Variants in GPHN observed in about 807,000 individuals in gnomAD.
The protein encoded by GPHN is gephyrin.
A neutral mutation model predicts 95.5 loss-of-function variants in GPHN; 17 were observed. The observed-to-expected ratio is 0.18, with a 90% CI of 0.12 to 0.27. The LOEUF (loss-of-function observed/expected upper bound fraction) is 0.27. Among genes scored for constraint, GPHN ranks in the 10% least tolerant of loss-of-function variants. The pLI, the probability that GPHN is intolerant of heterozygous loss-of-function variation, is 1.00. For synonymous variants in GPHN, 320 were observed against 322.5 expected (o/e 0.99, Z 0.08); for missense variants, 660 against 978.1 (o/e 0.67, Z 4.34).
chr14:66,911,952 A>T (rs1010112009), intron 5 of GPHN, among the ~76,000 whole-genome samples: 2 of 152,024 alleles, frequency 1.3e-5, no homozygotes, highest in African/African-American at 4.8e-5. Flanking sequence ...ATTTTTCGAC[A>T]TTCTCTTAAC....
At chr14:66,985,289 T>A (rs2070942454) in intron 9 of GPHN, among the ~76,000 whole-genome samples, 1 of 152,170 alleles carries the variant, frequency 6.6e-6, no homozygotes, top group African/African-American at 2.4e-5. Context: ...AGTCATACCA[T>A]TTATGTTTTC....
At chr14:67,098,456 C>T (rs758170931) in intron 12 of GPHN, among the ~76,000 whole-genome samples, 19 of 152,022 alleles carry the variant, frequency 1.2e-4, no homozygotes, top group Non-Finnish European at 1.9e-4. Flanking sequence ...AACCAGGATT[C>T]AGATTCAGGT....
rs536444561 is a variant in GPHN at position 66,631,090 on chromosome 14, G to A, written c.65-50017G>A. Among the ~76,000 whole-genome samples the A allele has an allele frequency of 3.0e-3, 460 of 151,106 alleles. 2 individuals are homozygous for A. Among genetic ancestry groups the A allele is most frequent in the South Asian group, 0.014 (67 of 4,730 alleles). ...TTTTGAGACGGAGTCTTGCTCTGTC[G>A]CCCAGGCTGGAGTGCAGTGGTGCTG... On this transcript the variant is annotated intron_variant, in intron 1 of 22. Coordinates refer to ENST00000478722, the MANE Select transcript of GPHN (RefSeq NM_020806.5).
Position 66,924,613 on chromosome 14 carries a change from C to T in GPHN, c.828+321C>T, listed in dbSNP as rs141486043. 6.0e-3 allele frequency among the ~76,000 whole-genome samples: 909 copies of T among 152,174 alleles called. 1 individual carries two copies. Among genetic ancestry groups the T allele is most frequent in the Middle Eastern group, 0.024 (7 of 294 alleles). ...TCATCAGATATCTTTAAATAAATTG[C>T]CTGGCTTAAAATTACCTCTTAAGAG... On this transcript the variant is annotated intron_variant, in intron 8 of 22. Coordinates refer to ENST00000478722, the MANE Select transcript of GPHN (RefSeq NM_020806.5).
chr14:67,728,703 T>TTGG, the GPHN span, among the ~76,000 whole-genome samples: 6 of 142,244 alleles, frequency 4.2e-5, no homozygotes, highest in African/African-American at 1.6e-4. Flanking sequence ...GGATATCTTG[T>TTGG]GGGGGGGGGG....
At chr14:67,456,559 G>A in the GPHN span, among the ~76,000 whole-genome samples, 7 of 149,084 alleles carry the variant, frequency 4.7e-5, no homozygotes, top group East Asian at 5.9e-4. Flanking sequence ...CTGAGATCAC[G>A]CCATTGCACT....
intron 2 of GPHN, among the ~76,000 whole-genome samples, chr14:66,762,191 C>T (rs1455139351): frequency 2.0e-5 from 3 of 150,326 alleles, no homozygotes; most frequent in African/African-American, 7.3e-5. Context: ...AAAAATATGA[C>T]CACTAAATAA....
chr14:67,229,594 A>G, the GPHN span, among the ~76,000 whole-genome samples: 2 of 152,326 alleles, frequency 1.3e-5, no homozygotes, highest in East Asian at 3.8e-4. Context: ...TTGAAAATCT[A>G]GTGTCCAAAT....
chr14:66,778,074 C>G (rs1411517171), intron 3 of GPHN, among the ~76,000 whole-genome samples: 1 of 152,066 alleles, frequency 6.6e-6, no homozygotes, highest in Non-Finnish European at 1.5e-5. Context: ...TCTAGAAAAC[C>G]CCATCGTCTC....
At chr14:67,516,339 C>G in the GPHN span, among the ~76,000 whole-genome samples, 1 of 152,172 alleles carries the variant, frequency 6.6e-6, no homozygotes, top group East Asian at 1.9e-4. Context: ...CTCGCAAACC[C>G]TATGCATGCC....
chr14:67,654,869 A>G, the GPHN span, among the ~76,000 whole-genome samples: 1 of 151,872 alleles, frequency 6.6e-6, no homozygotes, highest in Non-Finnish European at 1.5e-5. Context: ...CTCTACTAAA[A>G]ATACGAAAAA....
At chr14:66,745,258 G>A (rs1218646872) in intron 2 of GPHN, among the ~76,000 whole-genome samples, 10 of 152,018 alleles carry the variant, frequency 6.6e-5, no homozygotes, top group Non-Finnish European at 2.9e-5. Flanking sequence ...TCTCATGATT[G>A]AGAATACATG....
the GPHN span, among the ~76,000 whole-genome samples, chr14:67,269,129 T>C: frequency 0.011 from 1,608 of 152,320 alleles, 27 homozygotes; most frequent in African/African-American, 0.036. Context: ...CAGTATGTGG[T>C]CGTGGTCCTT....
At chr14:66,815,509 A>G (rs1421591794) in intron 3 of GPHN, among the ~76,000 whole-genome samples, 1 of 152,206 alleles carries the variant, frequency 6.6e-6, no homozygotes, top group Non-Finnish European at 1.5e-5. Flanking sequence ...GGGGCCCAAT[A>G]TTCAGTATTC....
chr14:66,580,041 A>G (rs1019208408), intron 1 of GPHN, among the ~76,000 whole-genome samples: 1 of 151,884 alleles, frequency 6.6e-6, no homozygotes, highest in African/African-American at 2.4e-5. Flanking sequence ...CCACAGTGGT[A>G]TGAAATTATA....
intron 3 of GPHN, among the ~76,000 whole-genome samples, chr14:66,789,000 T>G (rs1441255459): frequency 1.3e-5 from 2 of 152,208 alleles, no homozygotes; most frequent in African/African-American, 4.8e-5. Context: ...GAAGGTAAGA[T>G]TTTTCTAAAC....
At chr14:66,592,941 C>G (rs1009137663) in intron 1 of GPHN, among the ~76,000 whole-genome samples, 4 of 152,230 alleles carry the variant, frequency 2.6e-5, no homozygotes, top group African/African-American at 9.6e-5. Flanking sequence ...AAATTTGGCA[C>G]ATGTACATCA....
At chr14:67,332,956 A>C in the GPHN span, 1 of 1,602,212 alleles carries the variant, frequency 6.2e-7, no homozygotes, top group Non-Finnish European at 8.5e-7. Context: ...GGCTGAGGTG[A>C]AAGAAACATC....
chr14:67,595,139 AAAAAT>A, the GPHN span, among the ~76,000 whole-genome samples: 4 of 149,700 alleles, frequency 2.7e-5, no homozygotes, highest in Non-Finnish European at 2.9e-5. Flanking sequence ...TCCGTCTAAA[AAAAAT>A]AAAAATAAAA....
Sources: gnomAD v4.1 joint callset for allele counts (sites outside exome capture counted in the v4.1 genomes callset) on GRCh38, gnomAD v4.1.1 for gene constraint, MANE v1.5 for transcripts, NCBI Gene and HGNC (gene_info 2026-07-23, HGNC 2026-07-21) for gene names.